The following FRZB variants were observed in gnomAD, a reference collection of about 807,000 sequenced individuals.
FRZB encodes the protein frizzled related protein.
In FRZB, 34 loss-of-function variants were observed where a neutral mutation model predicts 32.5. That is an observed-to-expected ratio of 1.05 (90% CI 0.80 to 1.39). The LOEUF (loss-of-function observed/expected upper bound fraction) is 1.39. Ranked by LOEUF, FRZB falls within the 40% of genes most tolerant of loss-of-function variation. The pLI, the probability that FRZB is intolerant of heterozygous loss-of-function variation, is 0.00. For synonymous variants in FRZB, 170 were observed against 159.2 expected (o/e 1.07, Z -0.51); for missense variants, 423 against 424.8 (o/e 1.00, Z 0.04).
intron 2 of FRZB, among the ~76,000 whole-genome samples, chr2:182,852,826 G>C (rs143081423): frequency 3.9e-5 from 6 of 152,136 alleles, no homozygotes; most frequent in Non-Finnish European, 2.9e-5. Flanking sequence ...ACAGTAAAAC[G>C]TACAGTTGGA....
At chr2:182,845,580 A>G (rs1298930128) in intron 2 of FRZB, among the ~76,000 whole-genome samples, 2 of 152,204 alleles carry the variant, frequency 1.3e-5, no homozygotes, top group Non-Finnish European at 2.9e-5. Context: ...AATACTTTAA[A>G]AGTTAAAGGA....
At chr2:182,857,831 C>T (rs1051118527) in intron 2 of FRZB, among the ~76,000 whole-genome samples, 7 of 152,050 alleles carry the variant, frequency 4.6e-5, no homozygotes, top group Non-Finnish European at 1.0e-4. Context: ...AACAACCCAA[C>T]TTAAAATGGG....
In FRZB at chr2:182,866,170, T is replaced by TGGCG. The variant is rs1231740228; in HGVS notation, c.379_382dup (p.His128ProfsTer34). ...GCAGGCCAGGTTCTCCGGCCACGAG[T>TGGCG]GGCGGTACTTGATGAGTATGGGCTC... On this transcript the variant is annotated frameshift_variant, in exon 1 of 6. Transcript: ENST00000295113. LOFTEE classifies it high-confidence loss of function. The surrounding 1 kb of genome is among the most constrained non-coding windows in gnomAD (Gnocchi z 4.5). 1 of 1,613,904 alleles carries TGGCG rather than the reference T, an allele frequency of 6.2e-7. No homozygotes were observed. Among genetic ancestry groups the TGGCG allele is most frequent in the Admixed American group, 1.7e-5 (1 of 60,006 alleles).
At chr2:182,861,332 A>G (rs1695829482) in intron 1 of FRZB, among the ~76,000 whole-genome samples, 1 of 152,172 alleles carries the variant, frequency 6.6e-6, no homozygotes, top group Non-Finnish European at 1.5e-5. Context: ...GCTTCTCTAT[A>G]TGCCTTGGCT....
chr2:182,842,680 T>A, intron 2 of FRZB, 137 bp from the exon 3 acceptor site: 1 of 623,336 alleles, frequency 1.6e-6, no homozygotes, highest in South Asian at 1.9e-5. Context: ...TGTCTGAATT[T>A]TTTCTCCTGG....
Position 182,856,513 on chromosome 2 carries a change from T to C in FRZB, c.526+2273A>G, listed in dbSNP as rs1297561472. ...GCTGCAAATGGTCAAAACATACCAA[T>C]CAAAAGACAAAGATCAACAGTATGG... On this transcript the variant is annotated intron_variant, in intron 2 of 5. Coordinates refer to ENST00000295113, the MANE Select transcript of FRZB (RefSeq NM_001463.4). 5.9e-5 allele frequency among the ~76,000 whole-genome samples: 9 copies of C among 151,708 alleles called. No individual in the cohort carries two copies. In the South Asian group the frequency reaches 1.7e-3, roughly 28 times the overall value.
intron 2 of FRZB, among the ~76,000 whole-genome samples, chr2:182,848,601 T>C (rs918028296): frequency 3.9e-5 from 6 of 151,934 alleles, no homozygotes; most frequent in African/African-American, 1.5e-4. Flanking sequence ...GTGTCAATGA[T>C]GAAAGGGAAG....
At chr2:182,835,677 A>G (rs1695517294) in intron 5 of FRZB, among the ~76,000 whole-genome samples, 1 of 152,142 alleles carries the variant, frequency 6.6e-6, no homozygotes, top group Non-Finnish European at 1.5e-5. Context: ...TACGAACTAC[A>G]GCTGTACTTC....
At position 182,842,484 on chromosome 2, in the gene FRZB, T is replaced by A; in HGVS notation, c.586A>T (p.Asn196Tyr). 1 of 1,611,738 alleles carries A rather than the reference T, an allele frequency of 6.2e-7. No individual in the cohort carries two copies. Among genetic ancestry groups the A allele is most frequent in the East Asian group, 2.2e-5 (1 of 44,852 alleles). ...ACCATGAAATTTTCCTTACCATAGT[T>A]GTAATTGTTCCGGAAATAGGTCTTC... ...TQKTYFRNNY[N>Y]YVIRAKVKEI... The change falls in exon 3 of 6, where the codon AAC (asparagine) becomes TAC (tyrosine). Residue 196 changes from asparagine (N) to tyrosine (Y), a missense_variant. Asn to Tyr is a moderately radical substitution (Grantham distance 143, BLOSUM62 -2). Transcript: ENST00000295113.
intron 1 of FRZB, among the ~76,000 whole-genome samples, chr2:182,864,038 A>C (rs1191260249): frequency 1.3e-5 from 2 of 152,184 alleles, no homozygotes; most frequent in Admixed American, 1.3e-4. Context: ...GCTGCCAGTA[A>C]AGCAAATACT....
At chr2:182,862,347 A>C (rs1002036087) in intron 1 of FRZB, among the ~76,000 whole-genome samples, 5 of 152,234 alleles carry the variant, frequency 3.3e-5, no homozygotes, top group African/African-American at 9.6e-5. Flanking sequence ...GTGAAATATC[A>C]TACCATAAAT....
intron 2 of FRZB, among the ~76,000 whole-genome samples, chr2:182,858,518 G>A (rs898315306): frequency 1.3e-5 from 2 of 152,044 alleles, no homozygotes; most frequent in Admixed American, 6.6e-5. Flanking sequence ...GGAGGTGATG[G>A]AATTGTTCTG....
intron 3 of FRZB, among the ~76,000 whole-genome samples, chr2:182,839,299 T>G (rs1009573956): frequency 6.6e-6 from 1 of 152,066 alleles, no homozygotes; most frequent in African/African-American, 2.4e-5. Flanking sequence ...TATTAGGTCC[T>G]TTTTTCCTTT....
Position 182,849,348 on chromosome 2 carries a change from C to T in FRZB, c.527-6805G>A, listed in dbSNP as rs1163189761. ...TTTGTCAAAATTTAAATGCAGCATA[C>T]ACTTAAGATTTGTAGTATTTTACTG... On this transcript the variant is annotated intron_variant, in intron 2 of 5. Coordinates refer to ENST00000295113, the MANE Select transcript of FRZB (RefSeq NM_001463.4). Among the ~76,000 whole-genome samples the T allele has an allele frequency of 2.0e-5, 3 of 152,170 alleles. No individual in the cohort carries two copies. The East Asian group carries it at 5.8e-4, about 29-fold the overall frequency.
chr2:182,859,034 A>T (rs572944131), intron 1 of FRZB, among the ~76,000 whole-genome samples: 1 of 152,094 alleles, frequency 6.6e-6, no homozygotes, highest in Non-Finnish European at 1.5e-5. Context: ...TCATGTGGTT[A>T]TAAGGAAATA....
At chr2:182,861,708 T>C (rs1695833196) in intron 1 of FRZB, among the ~76,000 whole-genome samples, 1 of 152,218 alleles carries the variant, frequency 6.6e-6, no homozygotes, top group Admixed American at 6.5e-5. Context: ...ACTATCTCTA[T>C]TTGTTGGCTG....
At position 182,866,627 on chromosome 2, in the gene FRZB, C is replaced by A. The variant is rs1246109843; in HGVS notation, c.-75G>T. The stretch of plus-strand genomic sequence containing the variant: ...GCCCGCTCCGCCGTCTCCGCCTCCC[C>A]CGCTGCAAGTGGACACAAGGATCTG... On this transcript the variant is annotated 5_prime_UTR_variant, in exon 1 of 6. Transcript: ENST00000295113. This position sits in a 1 kb window ranked among gnomAD's most constrained non-coding sequence, Gnocchi z 4.5. The A allele has an allele frequency of 5.6e-6, 6 of 1,072,010 alleles. No homozygotes were observed. The highest frequency in any genetic ancestry group is 6.3e-4 in the Middle Eastern group (2 of 3,188). 66.4% of individuals were successfully genotyped at this position (1,072,010 alleles called of 1,614,324 possible). A position where few individuals can be genotyped will look rare whatever the true frequency, so the allele number is the denominator to read the frequency against.
chr2:182,847,385 T>C (rs1363313940), intron 2 of FRZB, among the ~76,000 whole-genome samples: 1 of 152,080 alleles, frequency 6.6e-6, no homozygotes, highest in Non-Finnish European at 1.5e-5. Flanking sequence ...TGGAAGGAAA[T>C]ACAGGAGAGT....
chr2:182,852,188 G>A (rs936735062), intron 2 of FRZB, among the ~76,000 whole-genome samples: 1 of 152,170 alleles, frequency 6.6e-6, no homozygotes, highest in African/African-American at 2.4e-5. Flanking sequence ...GGAAAGAAGT[G>A]TAATAGAAAG....
Sources: allele counts gnomAD v4.1 joint callset (sites outside exome capture counted in the v4.1 genomes callset), GRCh38; gene constraint gnomAD v4.1.1; non-coding constraint Gnocchi (gnomAD v3.1); transcripts MANE v1.5; gene names NCBI Gene and HGNC (gene_info 2026-07-23, HGNC 2026-07-21).